Variants in DPP6 observed in about 807,000 individuals in gnomAD.
DPP6 encodes the protein dipeptidyl peptidase like 6, also known as A-type potassium channel modulatory protein DPP6.
A neutral mutation model predicts 122.6 loss-of-function variants in DPP6; 69 were observed. That is an observed-to-expected ratio of 0.56 (90% confidence interval 0.46 to 0.69). DPP6 has a LOEUF of 0.69. Among genes scored for constraint, DPP6 ranks in the 30% least tolerant of loss-of-function variants. DPP6 has a pLI of 0.00. For missense variants in DPP6, 928 were observed against 1,116.9 expected (o/e 0.83, Z 2.41); for synonymous variants, 418 against 433.1 (o/e 0.97, Z 0.43).
the DPP6 span, among the ~76,000 whole-genome samples, chr7:153,769,166 TTGC>T: frequency 6.6e-6 from 1 of 152,240 alleles, no homozygotes; most frequent in Admixed American, 6.5e-5. Context: ...TTATGAGTTT[TTGC>T]TGATTTTGTA....
rs1554477670 is a variant in DPP6, at chr7:154,821,653, T to TATATATACACATATATACAC, written c.1666+14548_1666+14549insCACATATATACACATATATA. 9.3e-6 allele frequency among the ~76,000 whole-genome samples: 1 copy of TATATATACACATATATACAC among 107,094 alleles called. No individual in the cohort carries two copies. Among genetic ancestry groups the TATATATACACATATATACAC allele is most frequent in the Non-Finnish European group, 2.1e-5 (1 of 48,268 alleles). 70.3% of individuals were successfully genotyped at this position (107,094 alleles called of 152,430 possible). A position where few individuals can be genotyped will look rare whatever the true frequency, so the allele number is the denominator to read the frequency against. The stretch of plus-strand genomic sequence containing the variant: ...GTATATATATATATATATACACATA[T>TATATATACACATATATACAC]ATATATATATACACATATATATATA... On this transcript the variant is annotated intron_variant, in intron 16 of 25. Coordinates refer to ENST00000377770, the MANE Select transcript of DPP6 (RefSeq NM_130797.4). The surrounding 1 kb of genome is among the most constrained non-coding windows in gnomAD (Gnocchi z 4.2).
intron 1 of DPP6, among the ~76,000 whole-genome samples, chr7:154,217,425 T>G (rs904412564): frequency 4.2e-4 from 64 of 152,210 alleles, no homozygotes; most frequent in African/African-American, 1.5e-3. Context: ...TATTAAGTGC[T>G]TTTGTCAACT....
In DPP6 at chr7:154,313,721, A is replaced by G. The variant is rs867496952; in HGVS notation, c.244-132493A>G. ...TATATATATATATATATATACACACACACGCACGCACACACACACACACAC... is the reference window on the plus strand; with the variant it reads ...TATATATATATATATATATACACACGCACGCACGCACACACACACACACAC... On this transcript the variant is annotated intron_variant, in intron 1 of 25. Coordinates refer to ENST00000377770, the MANE Select transcript of DPP6 (RefSeq NM_130797.4). Among the ~76,000 whole-genome samples, 11 of 48,740 alleles carry G rather than the reference A, an allele frequency of 2.3e-4. 2 individuals carry two copies. In the East Asian group the frequency reaches 2.3e-3, roughly 10 times the overall value. The allele number at this position is 48,740 out of a possible 152,430, so 32.0% of individuals were successfully genotyped here. A position where few individuals can be genotyped will look rare whatever the true frequency, so the allele number is the denominator to read the frequency against.
In DPP6 at chr7:154,603,584, A is replaced by G. The variant is rs1368463864; in HGVS notation, c.628-34237A>G. Among the ~76,000 whole-genome samples, 3 of 89,604 alleles carry G rather than the reference A, an allele frequency of 3.3e-5. 1 individual carries two copies. Among genetic ancestry groups the G allele is most frequent in the Middle Eastern group, 8.2e-3 (1 of 122 alleles). The allele number at this position is 89,604 out of a possible 152,430, so 58.8% of individuals were successfully genotyped here. On this transcript the variant is annotated intron_variant, in intron 5 of 25. Coordinates refer to ENST00000377770, the MANE Select transcript of DPP6 (RefSeq NM_130797.4). ...GGCAGGAGAATTGCTTGAAACCAGG[A>G]GGTGGAGGTTGCAATGAGCCAAGAT...
intron 19 of DPP6, among the ~76,000 whole-genome samples, chr7:154,873,372 G>A (rs1804551753): frequency 6.6e-6 from 1 of 152,192 alleles, no homozygotes; most frequent in African/African-American, 2.4e-5. Context: ...GGACCGTTGA[G>A]CAAATGCCCC....
Position 154,007,968 on chromosome 7 carries a change from C to G in DPP6, c.51+120234C>G, listed in dbSNP as rs181671406. Among the ~76,000 whole-genome samples the G allele has an allele frequency of 4.7e-3, 709 of 152,066 alleles. 5 individuals carry two copies. The highest frequency in any genetic ancestry group is 0.028 in the South Asian group (136 of 4,816). On this transcript the variant is annotated intron_variant, in intron 1 of 25. Transcript: ENST00000404039. Reference sequence around the variant, plus strand: ...AGGCATACCATGCCGTGAGGCTCAGCGAGATGCAACGGAGTGTGGGCAGTG... The same window carrying G: ...AGGCATACCATGCCGTGAGGCTCAGGGAGATGCAACGGAGTGTGGGCAGTG...
At chr7:154,693,321 A>G (rs1462557344) in intron 7 of DPP6, among the ~76,000 whole-genome samples, 2 of 152,202 alleles carry the variant, frequency 1.3e-5, no homozygotes, top group Non-Finnish European at 2.9e-5. Context: ...AGTCTCCTCC[A>G]GGTCACATTT....
intron 1 of DPP6, among the ~76,000 whole-genome samples, chr7:154,425,239 A>G (rs777686815): frequency 7.9e-5 from 12 of 152,180 alleles, no homozygotes; most frequent in Non-Finnish European, 1.6e-4. Flanking sequence ...GATGCCTTCC[A>G]GAAACTGATT....
At chr7:154,154,174 A>G (rs2150692640) in intron 1 of DPP6, among the ~76,000 whole-genome samples, 1 of 152,374 alleles carries the variant, frequency 6.6e-6, no homozygotes, top group East Asian at 1.9e-4. Context: ...ATGACCAAGA[A>G]GAAAAGGTCT....
At chr7:154,790,119 A>G (rs1451920185) in intron 10 of DPP6, among the ~76,000 whole-genome samples, 1 of 152,086 alleles carries the variant, frequency 6.6e-6, no homozygotes, top group Non-Finnish European at 1.5e-5. Flanking sequence ...AATCACTTGA[A>G]CCCAGGAGGC....
At chr7:153,781,823 A>G in the DPP6 span, among the ~76,000 whole-genome samples, 1 of 152,112 alleles carries the variant, frequency 6.6e-6, no homozygotes, top group South Asian at 2.1e-4. Context: ...AAATAAGCAA[A>G]TTCAGTCATC....
chr7:154,473,856 C>T (rs1822498670), intron 2 of DPP6, among the ~76,000 whole-genome samples: 1 of 152,122 alleles, frequency 6.6e-6, no homozygotes, highest in African/African-American at 2.4e-5. Context: ...GTGGAATGCA[C>T]ACAGACATAT....
At chr7:154,688,764 G>A (rs1004642826) in intron 7 of DPP6, among the ~76,000 whole-genome samples, 2 of 152,090 alleles carry the variant, frequency 1.3e-5, no homozygotes, top group African/African-American at 2.4e-5. Flanking sequence ...GTGCCCACCC[G>A]ATTAAGGGTG....
intron 8 of DPP6, among the ~76,000 whole-genome samples, chr7:154,748,591 G>A (rs957354718): frequency 6.6e-6 from 1 of 152,224 alleles, no homozygotes; most frequent in Non-Finnish European, 1.5e-5. Context: ...GGGCGGGGAG[G>A]GAGACCTGGT....
At chr7:154,522,392 G>A (rs746946118) in intron 3 of DPP6, among the ~76,000 whole-genome samples, 1 of 152,136 alleles carries the variant, frequency 6.6e-6, no homozygotes, top group African/African-American at 2.4e-5. Flanking sequence ...CCTGCGTGAG[G>A]CCCTTGAGCC....
chr7:154,758,591 C>G lies in DPP6; in HGVS notation c.884-10826C>G, dbSNP rs1349245881. Among the ~76,000 whole-genome samples the G allele has an allele frequency of 3.3e-5, 5 of 152,070 alleles. No homozygotes were observed. In the South Asian group the frequency reaches 6.2e-4, roughly 19 times the overall value. On this transcript the variant is annotated intron_variant, in intron 8 of 25. Transcript: ENST00000377770. ...TTCACCATGTTGACCAGGCTGGTCTCAAACTCCTGACCTTAAGTGATCTGC... is the reference window on the plus strand; with the variant it reads ...TTCACCATGTTGACCAGGCTGGTCTGAAACTCCTGACCTTAAGTGATCTGC...
the DPP6 span, among the ~76,000 whole-genome samples, chr7:153,817,570 C>T: frequency 6.6e-6 from 1 of 151,692 alleles, no homozygotes; most frequent in African/African-American, 2.4e-5. Flanking sequence ...CCACATATGC[C>T]ATGGAATACT....
intron 1 of DPP6, among the ~76,000 whole-genome samples, chr7:153,911,803 G>C (rs772048493): frequency 9.9e-5 from 15 of 152,140 alleles, no homozygotes; most frequent in Non-Finnish European, 1.9e-4. Context: ...ATGCTGTTAG[G>C]TTTTGTCACC....
intron 6 of DPP6, among the ~76,000 whole-genome samples, chr7:154,666,194 T>TACACACACATAC (rs55773435): frequency 8.4e-6 from 1 of 118,986 alleles, no homozygotes; most frequent in Non-Finnish European, 1.7e-5. Flanking sequence ...TATATATATA[T>TACACACACATAC]ATATATACAC....
Sources: allele counts gnomAD v4.1 joint callset (sites outside exome capture counted in the v4.1 genomes callset), GRCh38; gene constraint gnomAD v4.1.1; non-coding constraint Gnocchi (gnomAD v3.1); transcripts MANE v1.5; gene names NCBI Gene and HGNC (gene_info 2026-07-23, HGNC 2026-07-21).